Variants in ATP10B observed in about 807,000 individuals in gnomAD.
The protein encoded by ATP10B is ATPase phospholipid transporting 10B (putative).
ATP10B carries 122 observed loss-of-function variants against 141.2 expected under a neutral mutation model. The ratio of observed to expected loss-of-function variants is 0.86; its 90% CI spans 0.75 to 1.00. The LOEUF (loss-of-function observed/expected upper bound fraction) is 1.00. ATP10B is among the 50% of genes least tolerant of loss of function. The pLI is 0.00. For missense variants in ATP10B, 1,876 were observed against 1,825.3 expected (o/e 1.03, Z -0.51); for synonymous variants, 685 against 692.0 (o/e 0.99, Z 0.16).
intron 1 of ATP10B, among the ~76,000 whole-genome samples, chr5:160,791,202 T>C (rs1724281522): frequency 6.6e-6 from 1 of 152,208 alleles, no homozygotes; most frequent in African/African-American, 2.4e-5. Flanking sequence ...ATCTTGATTT[T>C]AGTCTAGTAG....
chr5:160,809,889 T>C (rs1773032070), intron 1 of ATP10B, among the ~76,000 whole-genome samples: 1 of 152,218 alleles, frequency 6.6e-6, no homozygotes, highest in African/African-American at 2.4e-5. Flanking sequence ...GATCTCTTAT[T>C]GGATATCAGG....
intron 7 of ATP10B, among the ~76,000 whole-genome samples, chr5:160,668,102 C>T (rs1416820864): frequency 6.6e-6 from 1 of 151,876 alleles, no homozygotes; most frequent in African/African-American, 2.4e-5. Flanking sequence ...TGTGGTAGTG[C>T]ACGCCTGTAA....
intron 2 of ATP10B, among the ~76,000 whole-genome samples, chr5:160,731,948 C>T (rs1219984170): frequency 2.6e-5 from 4 of 152,130 alleles, no homozygotes; most frequent in Non-Finnish European, 5.9e-5. Context: ...TCCAGCATCT[C>T]CATATTTAAC....
chr5:160,856,416 G>A (rs193096072), upstream of ATP10B, among the ~76,000 whole-genome samples: 5 of 151,804 alleles, frequency 3.3e-5, no homozygotes, highest in Admixed American at 1.3e-4. Flanking sequence ...AGATTCCTTG[G>A]ATTTTCTACA....
chr5:160,829,757 T>C (rs1361472670), intron 1 of ATP10B, among the ~76,000 whole-genome samples: 2 of 152,140 alleles, frequency 1.3e-5, no homozygotes, highest in Non-Finnish European at 2.9e-5. Flanking sequence ...TTAGCCTAGA[T>C]GTTATTAATG....
At chr5:160,618,122 C>T in intron 15 of ATP10B, 149 bp from the exon 16 acceptor site, 1 of 667,548 alleles carries the variant, frequency 1.5e-6, no homozygotes, top group Non-Finnish European at 2.6e-6. Flanking sequence ...AGGAGCTCTC[C>T]TGGCTGTCAG....
chr5:160,622,244 C>G (rs1354018490), intron 14 of ATP10B, 150 bp downstream of exon 14: 5 of 702,998 alleles, frequency 7.1e-6, no homozygotes, highest in South Asian at 6.8e-5. Context: ...GGGTAAGAGA[C>G]CTATTCTAGG....
chr5:160,821,763 A>T (rs973440699), intron 1 of ATP10B, among the ~76,000 whole-genome samples: 10 of 152,060 alleles, frequency 6.6e-5, no homozygotes, highest in African/African-American at 2.4e-4. Context: ...TGGGGGAAAG[A>T]GCAGTCTCGT....
Position 160,670,674 on chromosome 5 carries a change from T to C in ATP10B, c.471-7A>G, listed in dbSNP as rs1278778426. The stretch of plus-strand genomic sequence containing the variant: ...CACATAGGTCTGCTCTTTTCTTGGG[T>C]GAGAGAAAGACAGGGTGTGAGTGAG... On this transcript the variant is annotated splice_region_variant and splice_polypyrimidine_tract_variant and intron_variant, in intron 6 of 25. Coordinates refer to ENST00000327245, the MANE Select transcript of ATP10B (RefSeq NM_025153.3). The C allele has an allele frequency of 1.9e-6, 3 of 1,612,056 alleles. No individual in the cohort carries two copies. In the East Asian group the frequency reaches 6.7e-5, roughly 36 times the overall value.
chr5:160,689,959 C>T lies in ATP10B; in HGVS notation c.-204-1016G>A, dbSNP rs1048143235. Among the ~76,000 whole-genome samples the T allele has an allele frequency of 3.3e-5, 5 of 152,044 alleles. No homozygotes were observed. The East Asian group carries it at 9.6e-4, about 29-fold the overall frequency. On this transcript the variant is annotated intron_variant, in intron 3 of 25. Transcript: ENST00000327245. ...TCATGCTACCTGACTTCAAACTATACTACAAGGCTACAGTAACCAAAACAG... is the reference window on the plus strand; with the variant it reads ...TCATGCTACCTGACTTCAAACTATATTACAAGGCTACAGTAACCAAAACAG...
intron 1 of ATP10B, among the ~76,000 whole-genome samples, chr5:160,805,620 C>T (rs1338442032): frequency 2.0e-5 from 3 of 152,020 alleles, no homozygotes; most frequent in Admixed American, 6.5e-5. Flanking sequence ...CCTGTCTCGC[C>T]GCCTGCCTGC....
chr5:160,616,084 G>T, intron 16 of ATP10B, 120 bp from the exon 17 acceptor site: 13 of 1,081,038 alleles, frequency 1.2e-5, no homozygotes, highest in South Asian at 2.3e-5. Context: ...TAATTAGATG[G>T]GGCTTTCTTC....
chr5:160,756,566 G>T (rs1487577644), intron 2 of ATP10B, among the ~76,000 whole-genome samples: 5 of 152,154 alleles, frequency 3.3e-5, no homozygotes, highest in African/African-American at 1.2e-4. Flanking sequence ...AGTCATTCTA[G>T]TGGGTTGTAG....
the ATP10B span, among the ~76,000 whole-genome samples, chr5:160,902,468 C>T: frequency 6.8e-6 from 1 of 146,696 alleles, no homozygotes; most frequent in South Asian, 2.2e-4. Context: ...GAGATTTTGG[C>T]AAATGTATAG....
chr5:160,883,319 A>AAATTATAGC, the ATP10B span, among the ~76,000 whole-genome samples: 1 of 152,196 alleles, frequency 6.6e-6, no homozygotes, highest in East Asian at 1.9e-4. Context: ...ATGGTTACAA[A>AAATTATAGC]AATTATAGCA....
Position 160,687,862 on chromosome 5 carries a change from G to T in ATP10B, c.213C>A (p.Thr71=). Residue 71 remains threonine (T), a synonymous_variant, in exon 5 of 26, where the codon ACC becomes ACA. Coordinates refer to ENST00000327245, the MANE Select transcript of ATP10B (RefSeq NM_025153.3). ...EVSRRYPGNR[T]CTTKYTLFTF... is the part of the protein sequence containing the mutation. ...TGAAGAGGGTGTATTTGGTTGTGCAGGTTCTGTTGCCAGGGTATCTCCTGG... is the reference window on the plus strand; with the variant it reads ...TGAAGAGGGTGTATTTGGTTGTGCATGTTCTGTTGCCAGGGTATCTCCTGG... 1 of 1,614,172 alleles carries T rather than the reference G, an allele frequency of 6.2e-7. No homozygotes were observed. The highest frequency in any genetic ancestry group is 8.5e-7 in the Non-Finnish European group (1 of 1,180,024).
intron 1 of ATP10B, among the ~76,000 whole-genome samples, chr5:160,792,079 T>A (rs941013796): frequency 2.6e-5 from 4 of 152,098 alleles, no homozygotes; most frequent in Non-Finnish European, 4.4e-5. Context: ...CCTCCTCCAA[T>A]AAGTTTTCCT....
rs1404646464 is a variant in ATP10B, at chr5:160,814,706, A to T, written c.-575-28903T>A. On this transcript the variant is annotated intron_variant, in intron 1 of 25. Transcript: ENST00000327245. ...TGTCAGATTCACCAAAGTTGAAATG[A>T]AGGAAAAAATGTTAAGGGCAGCCAG... Among the ~76,000 whole-genome samples, 3 of 152,198 alleles carry T rather than the reference A, an allele frequency of 2.0e-5. No individual in the cohort carries two copies. The South Asian group carries it at 6.2e-4, about 32-fold the overall frequency.
rs1252574184 is a variant in ATP10B, at chr5:160,634,576, T to C, written c.1159A>G (p.Ile387Val). 6.2e-7 allele frequency: 1 copy of C among 1,613,698 alleles called. No homozygotes were observed. Among genetic ancestry groups the C allele is most frequent in the East Asian group, 2.2e-5 (1 of 44,878 alleles). ...ACTTGCCCGAGCTTCACCAGCTCAA[T>C]GGAGACATACAAAGAGATGGGGATC... ...VLIPISLYVSIELVKLGQVFF... is the reference protein window; with the variant it reads ...VLIPISLYVSVELVKLGQVFF... Residue 387 changes from isoleucine to valine, a missense_variant, in exon 12 of 26, where the codon ATT (isoleucine) becomes GTT (valine). Physicochemically the swap from Ile to Val is conservative, Grantham distance 29 (BLOSUM62 3). Coordinates refer to ENST00000327245, the MANE Select transcript of ATP10B (RefSeq NM_025153.3).
Sources: allele counts gnomAD v4.1 joint callset (sites outside exome capture counted in the v4.1 genomes callset), GRCh38; gene constraint gnomAD v4.1.1; transcripts MANE v1.5; gene names NCBI Gene and HGNC (gene_info 2026-07-23, HGNC 2026-07-21).